The following MTCL2 variants were observed in gnomAD, a reference collection of about 807,000 sequenced individuals.
MTCL2 encodes the protein microtubule crosslinking factor 2.
chr20:36,835,712 C>A, the MTCL2 span, among the ~76,000 whole-genome samples: 1 of 152,150 alleles, frequency 6.6e-6, no homozygotes, highest in African/African-American at 2.4e-5. Flanking sequence ...ATGAGCTCAG[C>A]GCTCCAGCTG....
the MTCL2 span, chr20:36,794,014 C>T: frequency 6.4e-7 from 1 of 1,551,652 alleles, no homozygotes; most frequent in African/African-American, 1.4e-5. This position sits in a 1 kb window ranked among gnomAD's most constrained non-coding sequence, Gnocchi z 5.4. Flanking sequence ...AGCCGGAGCG[C>T]ATGGCCTGGC....
the MTCL2 span, chr20:36,816,378 T>C: frequency 7.5e-7 from 1 of 1,329,372 alleles, no homozygotes; most frequent in Non-Finnish European, 1.0e-6. Context: ...CATGGCATTT[T>C]GGGGAGCACT....
the MTCL2 span, chr20:36,794,070 A>G: frequency 6.4e-7 from 1 of 1,551,398 alleles, no homozygotes; most frequent in Non-Finnish European, 8.7e-7. The surrounding 1 kb of genome is among the most constrained non-coding windows in gnomAD (Gnocchi z 5.4). Context: ...ATGTTGCCTG[A>G]CATCTCAAAG....
At chr20:36,839,810 C>T in the MTCL2 span, among the ~76,000 whole-genome samples, 42 of 152,276 alleles carry the variant, frequency 2.8e-4, no homozygotes, top group African/African-American at 9.6e-4. This position sits in a 1 kb window ranked among gnomAD's most constrained non-coding sequence, Gnocchi z 5.1. Context: ...CTGCCCAAAC[C>T]TTGATTTCTA....
chr20:36,829,948 A>C, the MTCL2 span, among the ~76,000 whole-genome samples: 3 of 152,124 alleles, frequency 2.0e-5, no homozygotes, highest in Non-Finnish European at 4.4e-5. Flanking sequence ...GCGGTGAGCC[A>C]AAATCATGCC....
At chr20:36,808,067 G>T in the MTCL2 span, among the ~76,000 whole-genome samples, 1 of 149,664 alleles carries the variant, frequency 6.7e-6, no homozygotes. Flanking sequence ...AGTAGAGACG[G>T]GGTTTCACCA....
At chr20:36,829,237 G>A in the MTCL2 span, 1 of 1,587,376 alleles carries the variant, frequency 6.3e-7, no homozygotes, top group Non-Finnish European at 8.6e-7. Context: ...GAGAGAGAAG[G>A]ATGTGAGCAG....
At chr20:36,815,789 G>A in the MTCL2 span, 3 of 1,591,296 alleles carry the variant, frequency 1.9e-6, no homozygotes, top group Non-Finnish European at 2.6e-6. The surrounding 1 kb of genome is among the most constrained non-coding windows in gnomAD (Gnocchi z 5.3). Context: ...CGTCCAGCTC[G>A]TGCTCCGAGC....
chr20:36,842,636 G>A, the MTCL2 span, among the ~76,000 whole-genome samples: 28 of 152,306 alleles, frequency 1.8e-4, no homozygotes, highest in African/African-American at 5.8e-4. Flanking sequence ...GCCAGGCATG[G>A]TGGTGGGCAC....
the MTCL2 span, among the ~76,000 whole-genome samples, chr20:36,801,949 G>A: frequency 9.9e-5 from 15 of 151,758 alleles, no homozygotes; most frequent in African/African-American, 3.4e-4. Flanking sequence ...GGGCGACAGA[G>A]TAAGACTGTC....
At chr20:36,838,992 G>A in the MTCL2 span, among the ~76,000 whole-genome samples, 1 of 151,396 alleles carries the variant, frequency 6.6e-6, no homozygotes, top group Non-Finnish European at 1.5e-5. Flanking sequence ...AAAAACAGTA[G>A]CTGCTGCTAG....
chr20:36,845,528 C>A, the MTCL2 span, among the ~76,000 whole-genome samples: 1 of 152,254 alleles, frequency 6.6e-6, no homozygotes, highest in Admixed American at 6.5e-5. Context: ...CCTGCTGGCA[C>A]GGCCCCACGT....
the MTCL2 span, chr20:36,780,624 G>T: frequency 3.3e-5 from 5 of 152,274 alleles, no homozygotes; most frequent in East Asian, 9.6e-4. Context: ...CTTTCCATTT[G>T]TGTAGAACCT....
chr20:36,803,951 C>T, the MTCL2 span, among the ~76,000 whole-genome samples: 425 of 97,156 alleles, frequency 4.4e-3, 5 homozygotes, highest in African/African-American at 0.018. Context: ...AGTGAGATGC[C>T]GTCTCAAAAA....
chr20:36,792,857 TAGACAGACAGACAGACAGACAGAC>T, the MTCL2 span, among the ~76,000 whole-genome samples: 1 of 137,504 alleles, frequency 7.3e-6, no homozygotes, highest in African/African-American at 3.2e-5. Flanking sequence ...GATAGATAGA[TAGACAGACAGACAGACAGACAGAC>T]AGACAGACAG....
the MTCL2 span, chr20:36,816,107 C>T: frequency 3.1e-6 from 5 of 1,613,658 alleles, no homozygotes; most frequent in South Asian, 1.1e-5. Context: ...GCACCTTCAG[C>T]TCGGTCTCCC....
chr20:36,842,728 T>G, the MTCL2 span, among the ~76,000 whole-genome samples: 1 of 152,062 alleles, frequency 6.6e-6, no homozygotes, highest in African/African-American at 2.4e-5. Flanking sequence ...CCCAAGATCA[T>G]ACCACTGCAC....
At chr20:36,799,280 T>C in the MTCL2 span, among the ~76,000 whole-genome samples, 6 of 151,956 alleles carry the variant, frequency 3.9e-5, no homozygotes, top group South Asian at 8.3e-4. Flanking sequence ...CACCTGAGGT[T>C]GGGAGTTCGA....
the MTCL2 span, among the ~76,000 whole-genome samples, chr20:36,827,783 A>G: frequency 6.6e-6 from 1 of 152,152 alleles, no homozygotes; most frequent in African/African-American, 2.4e-5. Flanking sequence ...CAGTTTCATT[A>G]CTTGTACCGT....
Sources: gnomAD v4.1 joint callset for allele counts (sites outside exome capture counted in the v4.1 genomes callset) on GRCh38, gnomAD v4.1.1 for gene constraint, Gnocchi (gnomAD v3.1) non-coding constraint, MANE v1.5 for transcripts, NCBI Gene and HGNC (gene_info 2026-07-23, HGNC 2026-07-21) for gene names.